The following ARL5B variants were observed in gnomAD, a reference collection of about 807,000 sequenced individuals.
The protein encoded by ARL5B is ADP-ribosylation factor-like protein 5B.
ARL5B carries 10 observed loss-of-function variants against 26.9 expected under a neutral mutation model. That is an observed-to-expected ratio of 0.37 (90% CI 0.23 to 0.63). The LOEUF is 0.63. ARL5B is among the 30% of genes least tolerant of loss of function. The pLI is 0.62. For synonymous variants in ARL5B, 87 were observed against 70.4 expected (o/e 1.24, Z -1.18); for missense variants, 167 against 213.9 (o/e 0.78, Z 1.37).
intron 1 of ARL5B, chr10:18,659,937 G>A (rs927752339): frequency 4.1e-6 from 4 of 985,272 alleles, no homozygotes; most frequent in Non-Finnish European, 3.6e-6. Context: ...TTGGATATTG[G>A]CGAAGTAAAG....
chr10:18,675,026 T>C, intron 5 of ARL5B, 142 bp from the exon 6 acceptor site: 1 of 618,338 alleles, frequency 1.6e-6, no homozygotes. Context: ...TCACTTATTA[T>C]AGTGTGACTT....
rs756918941 is a variant in ARL5B at position 18,679,883 on chromosome 10, C to G, written c.*4667C>G. 1.3e-5 allele frequency: 2 copies of G among 151,842 alleles called. No homozygotes were observed. Among genetic ancestry groups the G allele is most frequent in the Non-Finnish European group, 2.9e-5 (2 of 67,830 alleles). 9.4% of individuals were successfully genotyped at this position (151,842 alleles called of 1,614,324 possible). On this transcript the variant is annotated 3_prime_UTR_variant, in exon 6 of 6. Transcript: ENST00000377275. ...CTCGTATTTAGGGTACTTAAAATTACTAAAAAATACTGTCTTTTTACCATA... is the reference window on the plus strand; with the variant it reads ...CTCGTATTTAGGGTACTTAAAATTAGTAAAAAATACTGTCTTTTTACCATA...
chr10:18,670,771 G>C (rs762876473), intron 3 of ARL5B, among the ~76,000 whole-genome samples: 2 of 152,176 alleles, frequency 1.3e-5, no homozygotes, highest in African/African-American at 2.4e-5. Context: ...GAATCCATAT[G>C]TACTTAAAGT....
rs923580135 is a variant in ARL5B, at chr10:18,675,677, T to C, written c.*461T>C. 1 of 158,302 alleles carries C rather than the reference T, an allele frequency of 6.3e-6. No homozygotes were observed. Among genetic ancestry groups the C allele is most frequent in the Non-Finnish European group, 1.4e-5 (1 of 71,484 alleles). The allele number at this position is 158,302 out of a possible 1,614,324, so 9.8% of individuals were successfully genotyped here. ...GCACTAAATATATTTGTTCCCTCTATAAACCATTCATCTTTCGGACAGAAC... is the reference window on the plus strand; with the variant it reads ...GCACTAAATATATTTGTTCCCTCTACAAACCATTCATCTTTCGGACAGAAC... On this transcript the variant is annotated 3_prime_UTR_variant, in exon 6 of 6. Transcript: ENST00000377275.
At chr10:18,661,090 C>G (rs1431505681) in intron 1 of ARL5B, among the ~76,000 whole-genome samples, 1 of 152,208 alleles carries the variant, frequency 6.6e-6, no homozygotes, top group Admixed American at 6.5e-5. Flanking sequence ...TTCAGGTGAT[C>G]TACCCACCTC....
At chr10:18,668,786 T>G in intron 3 of ARL5B, 109 bp downstream of exon 3, 1 of 1,164,594 alleles carries the variant, frequency 8.6e-7, no homozygotes, top group Non-Finnish European at 1.2e-6. Context: ...TTTTTTTTTT[T>G]TTAAGACGGA....
chr10:18,676,422 TAAAAA>T lies in ARL5B; in HGVS notation c.*1209_*1213del, dbSNP rs954898426. The T allele has an allele frequency of 6.6e-6, 1 of 151,922 alleles. No homozygotes were observed. The highest frequency in any genetic ancestry group is 1.5e-5 in the Non-Finnish European group (1 of 67,862). 9.4% of individuals were successfully genotyped at this position (151,922 alleles called of 1,614,324 possible). A position where few individuals can be genotyped will look rare whatever the true frequency, so the allele number is the denominator to read the frequency against. The stretch of plus-strand genomic sequence containing the variant: ...GTTAATATTCTTAACAACTTAAAAT[TAAAAA>T]AAGTCATAATCTATCAAAAGTTTAT... On this transcript the variant is annotated 3_prime_UTR_variant, in exon 6 of 6. Transcript: ENST00000377275.
In ARL5B at chr10:18,681,067, G is replaced by T. The variant is rs2131657613; in HGVS notation, c.*5851G>T. The T allele has an allele frequency of 6.6e-6, 1 of 152,212 alleles. No homozygotes were observed. The highest frequency in any genetic ancestry group is 2.1e-4 in the South Asian group (1 of 4,826). 9.4% of individuals were successfully genotyped at this position (152,212 alleles called of 1,614,324 possible). On this transcript the variant is annotated 3_prime_UTR_variant, in exon 6 of 6. Transcript: ENST00000377275. ...TTCAGGCTTTCTGCGAAAGCTCTAAGAATATCTTCATTACTATGCTTGGTC... is the reference window on the plus strand; with the variant it reads ...TTCAGGCTTTCTGCGAAAGCTCTAATAATATCTTCATTACTATGCTTGGTC...
At position 18,660,735 on chromosome 10, in the gene ARL5B, T is replaced by G. The variant is rs1284840325; in HGVS notation, c.46+1052T>G. On this transcript the variant is annotated intron_variant, in intron 1 of 5. Coordinates refer to ENST00000377275, the MANE Select transcript of ARL5B (RefSeq NM_178815.5). The stretch of plus-strand genomic sequence containing the variant: ...AGATACAGGCACACACATGTGTATA[T>G]ATATGTATATGCCTGTATCCAGTAA... Among the ~76,000 whole-genome samples the G allele has an allele frequency of 2.0e-5, 3 of 152,254 alleles. No individual in the cohort carries two copies. The East Asian group carries it at 5.8e-4, about 29-fold the overall frequency.
rs774487793 is a variant in ARL5B at position 18,659,614 on chromosome 10, C to T, written c.-24C>T. Reference sequence around the variant, plus strand: ...CAGCGGCACCTGCTGCCGAGGGACCCCGCGGCCCGCCCCGGTGCTCGTGAT... The same window carrying T: ...CAGCGGCACCTGCTGCCGAGGGACCTCGCGGCCCGCCCCGGTGCTCGTGAT... On this transcript the variant is annotated 5_prime_UTR_variant, in exon 1 of 6. Coordinates refer to ENST00000377275, the MANE Select transcript of ARL5B (RefSeq NM_178815.5). 7 of 1,605,378 alleles carry T rather than the reference C, an allele frequency of 4.4e-6. 1 individual carries two copies. In the South Asian group the frequency reaches 5.5e-5, roughly 13 times the overall value.
chr10:18,665,436 G>A (rs1480006556), intron 1 of ARL5B, among the ~76,000 whole-genome samples: 3 of 152,138 alleles, frequency 2.0e-5, no homozygotes, highest in Non-Finnish European at 4.4e-5. Flanking sequence ...CCAGAGGACC[G>A]TGTCTGTTTA....
Position 18,678,537 on chromosome 10 carries a change from A to G in ARL5B, c.*3321A>G, listed in dbSNP as rs2059919664. The G allele has an allele frequency of 6.6e-6, 1 of 151,928 alleles. No individual in the cohort carries two copies. 9.4% of individuals were successfully genotyped at this position (151,928 alleles called of 1,614,324 possible). ...TAGTTTCTTAGAACAAATTATAAAC[A>G]TAATCATTCTGAATAATCAATTTTT... On this transcript the variant is annotated 3_prime_UTR_variant, in exon 6 of 6. Transcript: ENST00000377275.
rs899756480 is a variant in ARL5B, at chr10:18,676,767, T to A, written c.*1551T>A. ...TGCTCTTTTTTCAGGTGTGCTTGGTTTATTATATTTAGTCAAGTTAATTTA... is the reference window on the plus strand; with the variant it reads ...TGCTCTTTTTTCAGGTGTGCTTGGTATATTATATTTAGTCAAGTTAATTTA... On this transcript the variant is annotated 3_prime_UTR_variant, in exon 6 of 6. Coordinates refer to ENST00000377275, the MANE Select transcript of ARL5B (RefSeq NM_178815.5). 6.6e-6 allele frequency: 1 copy of A among 151,988 alleles called. No homozygotes were observed. Among genetic ancestry groups the A allele is most frequent in the African/African-American group, 2.4e-5 (1 of 41,436 alleles). 9.4% of individuals were successfully genotyped at this position (151,988 alleles called of 1,614,324 possible).
chr10:18,672,155 T>A (rs1448320428), intron 3 of ARL5B, among the ~76,000 whole-genome samples: 1 of 152,230 alleles, frequency 6.6e-6, no homozygotes, highest in Non-Finnish European at 1.5e-5. Flanking sequence ...TAAAATGCAT[T>A]TATCTTTTTC....
chr10:18,660,756 A>G (rs1281019227), intron 1 of ARL5B, among the ~76,000 whole-genome samples: 1 of 152,252 alleles, frequency 6.6e-6, no homozygotes, highest in Non-Finnish European at 1.5e-5. Context: ...GCCTGTATCC[A>G]GTAACCACAG....
intron 1 of ARL5B, among the ~76,000 whole-genome samples, chr10:18,664,429 CTTTTTTT>C (rs140830487): frequency 6.0e-5 from 4 of 67,224 alleles, no homozygotes; most frequent in Admixed American, 1.7e-4. Context: ...ACAGTAGTGT[CTTTTTTT>C]TTTTTTTTTT....
intron 5 of ARL5B, among the ~76,000 whole-genome samples, chr10:18,674,861 T>C (rs2059903645): frequency 6.6e-6 from 1 of 152,130 alleles, no homozygotes; most frequent in Non-Finnish European, 1.5e-5. Context: ...TGCTATTGAC[T>C]TTCTCCAGTC....
intron 3 of ARL5B, among the ~76,000 whole-genome samples, chr10:18,671,898 C>T (rs2059889404): frequency 6.6e-6 from 1 of 152,172 alleles, no homozygotes; most frequent in African/African-American, 2.4e-5. Flanking sequence ...GCAGTCATCC[C>T]ACCTCACCTC....
At chr10:18,661,399 A>G (rs533184017) in intron 1 of ARL5B, among the ~76,000 whole-genome samples, 1 of 152,296 alleles carries the variant, frequency 6.6e-6, no homozygotes, top group East Asian at 1.9e-4. Flanking sequence ...GTGATGAAAG[A>G]CATCCAGTGG....
Sources: allele counts gnomAD v4.1 joint callset (sites outside exome capture counted in the v4.1 genomes callset), GRCh38; gene constraint gnomAD v4.1.1; transcripts MANE v1.5; gene names NCBI Gene and HGNC (gene_info 2026-07-23, HGNC 2026-07-21).